Variants in CALCOCO2 observed in about 807,000 individuals in gnomAD.
CALCOCO2 encodes the protein calcium binding and coiled-coil domain 2, also known as calcium-binding and coiled-coil domain-containing protein 2.
In CALCOCO2, 42 loss-of-function variants were observed where a neutral mutation model predicts 62.5. The observed-to-expected ratio is 0.67, with a 90% CI of 0.53 to 0.87. CALCOCO2 has a LOEUF of 0.87. Ranked by LOEUF, CALCOCO2 falls within the 40% of genes least tolerant of loss-of-function variation. The probability of loss-of-function intolerance (pLI) is 0.00; values close to 1 mark genes in which losing one functional copy is unlikely to be tolerated. For missense variants in CALCOCO2, 456 were observed against 515.0 expected (o/e 0.89, Z 1.11); for synonymous variants, 167 against 173.0 (o/e 0.97, Z 0.27).
At chr17:48,833,236 T>G (rs1372656514) in intron 1 of CALCOCO2, among the ~76,000 whole-genome samples, 2 of 152,212 alleles carry the variant, frequency 1.3e-5, no homozygotes, top group Non-Finnish European at 2.9e-5. Flanking sequence ...CATCCATTTT[T>G]GCTAATTGCT....
chr17:48,849,709 G>T (rs1374254779), intron 5 of CALCOCO2, among the ~76,000 whole-genome samples: 1 of 151,856 alleles, frequency 6.6e-6, no homozygotes, highest in Non-Finnish European at 1.5e-5. Flanking sequence ...TTACCATGTT[G>T]GCCAGGCTGG....
intron 9 of CALCOCO2, among the ~76,000 whole-genome samples, chr17:48,854,172 C>T (rs1363114923): frequency 2.0e-5 from 3 of 149,552 alleles, no homozygotes; most frequent in Admixed American, 1.3e-4. Flanking sequence ...AAAAATTAGC[C>T]GGGCATGGTG....
chr17:48,836,758 CTTTT>C (rs762035927), intron 1 of CALCOCO2, among the ~76,000 whole-genome samples: 1 of 122,350 alleles, frequency 8.2e-6, no homozygotes. Context: ...GGAAGTCACT[CTTTT>C]TTTTTTTTTT....
In CALCOCO2 at chr17:48,856,166, G is replaced by A. The variant is rs1490291409; in HGVS notation, c.987G>A (p.Glu329=). ...GTAATGCTCTGCAGAGACAGAAAGA[G>A]AGATTGGAAGGAGAAAATGATGTAA... ...IICNALQRQK[E]RLEGENDLLK... is the part of the protein sequence containing the mutation. Residue 329 remains glutamate (E), a synonymous_variant, in exon 10 of 13, where the codon GAG becomes GAA. Coordinates refer to ENST00000258947, the MANE Select transcript of CALCOCO2 (RefSeq NM_005831.5). The A allele has an allele frequency of 6.3e-7, 1 of 1,594,976 alleles. No individual in the cohort carries two copies. The highest frequency in any genetic ancestry group is 8.6e-7 in the Non-Finnish European group (1 of 1,163,802).
In CALCOCO2 at chr17:48,863,022, GAT is replaced by G; in HGVS notation, c.*18_*19del. 2 of 1,569,248 alleles carry G rather than the reference GAT, an allele frequency of 1.3e-6. No homozygotes were observed. Among genetic ancestry groups the G allele is most frequent in the Admixed American group, 3.3e-5 (2 of 59,936 alleles). ...TCTCTCTGAGTATCCCAACCTCTTGGATGTATACAGAGATTTTATAGAATAGA... is the reference window on the plus strand; with the variant it reads ...TCTCTCTGAGTATCCCAACCTCTTGGGTATACAGAGATTTTATAGAATAGA... On this transcript the variant is annotated 3_prime_UTR_variant, in exon 13 of 13. Transcript: ENST00000258947.
intron 2 of CALCOCO2, among the ~76,000 whole-genome samples, chr17:48,847,011 C>T (rs1380706466): frequency 1.3e-5 from 2 of 152,044 alleles, no homozygotes; most frequent in Non-Finnish European, 2.9e-5. Context: ...TGCTCTGAGG[C>T]GTGTTTTGCT....
Position 48,837,610 on chromosome 17 carries a change from C to T in CALCOCO2, c.-10-4088C>T, listed in dbSNP as rs138816021. On this transcript the variant is annotated intron_variant, in intron 1 of 12. Transcript: ENST00000258947. ...GCAGTGAGCTGAGATACCGCCACTGCACTCCAGCCTGGGGAACAGAGCGAA... is the reference window on the plus strand; with the variant it reads ...GCAGTGAGCTGAGATACCGCCACTGTACTCCAGCCTGGGGAACAGAGCGAA... 3.0e-3 allele frequency among the ~76,000 whole-genome samples: 464 copies of T among 152,160 alleles called. 5 individuals carry two copies. Among genetic ancestry groups the T allele is most frequent in the African/African-American group, 0.011 (450 of 41,498 alleles).
At position 48,841,763 on chromosome 17, in the gene CALCOCO2, A is replaced by G; in HGVS notation, c.56A>G (p.His19Arg). 1 of 1,613,592 alleles carries G rather than the reference A, an allele frequency of 6.2e-7. No individual in the cohort carries two copies. The highest frequency in any genetic ancestry group is 8.5e-7 in the Non-Finnish European group (1 of 1,179,714). The change falls in exon 2 of 13, where the codon CAT (histidine) becomes CGT (arginine). Residue 19 changes from histidine (H) to arginine (R), a missense_variant. Physicochemically the swap from His to Arg is conservative, Grantham distance 29 (BLOSUM62 0). Coordinates refer to ENST00000258947, the MANE Select transcript of CALCOCO2 (RefSeq NM_005831.5). ...TCAGCTGTCTTGCTGGATCACTGTC[A>G]TTTCTCTCAGGTCATCTTTAACAGT... The part of the protein sequence containing the change: ...PTSAVLLDHC[H>R]FSQVIFNSVE...
intron 1 of CALCOCO2, among the ~76,000 whole-genome samples, chr17:48,840,682 TTTTC>T (rs1431259312): frequency 4.6e-5 from 7 of 152,168 alleles, no homozygotes; most frequent in Non-Finnish European, 8.8e-5. Flanking sequence ...TTCCTTGAAG[TTTTC>T]TTTATTTTCC....
chr17:48,843,960 C>T (rs137986174), intron 2 of CALCOCO2: 1,884 of 151,924 alleles, frequency 0.012, 15 homozygotes, highest in Non-Finnish European at 0.022. Flanking sequence ...CTCGGCTCAC[C>T]GCAACCTCCG....
At position 48,852,967 on chromosome 17, in the gene CALCOCO2, G is replaced by T; in HGVS notation, c.867G>T (p.Met289Ile). 1 of 1,613,832 alleles carries T rather than the reference G, an allele frequency of 6.2e-7. No individual in the cohort carries two copies. The highest frequency in any genetic ancestry group is 8.5e-7 in the Non-Finnish European group (1 of 1,179,748). ...AGCTCGAGCAGACAGTGGAGCAAAT[G>T]AAGCAGAATGAAACTACTGCAATGA... Reference protein sequence around the residue: ...QKKLEQTVEQMKQNETTAMKK... With the variant: ...QKKLEQTVEQIKQNETTAMKK... Residue 289 changes from methionine to isoleucine, a missense_variant, in exon 9 of 13, where the codon ATG becomes ATT. Coordinates refer to ENST00000258947, the MANE Select transcript of CALCOCO2 (RefSeq NM_005831.5).
At chr17:48,849,829 T>C (rs2040102611) in intron 5 of CALCOCO2, among the ~76,000 whole-genome samples, 1 of 152,080 alleles carries the variant, frequency 6.6e-6, no homozygotes, top group Non-Finnish European at 1.5e-5. Flanking sequence ...ATTGTTCATA[T>C]GTTGAAATGA....
At chr17:48,836,186 G>C (rs1043643807) in intron 1 of CALCOCO2, among the ~76,000 whole-genome samples, 7 of 152,184 alleles carry the variant, frequency 4.6e-5, no homozygotes, top group African/African-American at 1.4e-4. Flanking sequence ...GGTAGGTAAT[G>C]GAGTGTGAAT....
At chr17:48,843,550 G>A (rs1567751705) in intron 2 of CALCOCO2, among the ~76,000 whole-genome samples, 1 of 152,156 alleles carries the variant, frequency 6.6e-6, no homozygotes. Flanking sequence ...GATGAGCAAC[G>A]GAAGCTGGAG....
At chr17:48,842,644 TTC>T (rs2039991471) in intron 2 of CALCOCO2, 1 of 77,742 alleles carries the variant, frequency 1.3e-5, no homozygotes, top group Non-Finnish European at 2.4e-5. Flanking sequence ...ACTGATTTCT[TTC>T]TTTTTTTTTT....
chr17:48,858,046 AAATAGAATAG>A (rs1555573798), intron 10 of CALCOCO2, among the ~76,000 whole-genome samples: 1 of 40,048 alleles, frequency 2.5e-5, no homozygotes, highest in East Asian at 8.0e-4. Flanking sequence ...ATAGAATAGA[AAATAGAATAG>A]AATAGAATAG....
chr17:48,847,246 T>A (rs1288194523), intron 2 of CALCOCO2, among the ~76,000 whole-genome samples: 1 of 152,180 alleles, frequency 6.6e-6, no homozygotes, highest in East Asian at 1.9e-4. Flanking sequence ...GGTTTTTTTT[T>A]AATGCAGTAG....
At position 48,841,837 on chromosome 17, in the gene CALCOCO2, T is replaced by C; in HGVS notation, c.130T>C (p.Phe44Leu). 1 of 1,613,246 alleles carries C rather than the reference T, an allele frequency of 6.2e-7. No individual in the cohort carries two copies. The highest frequency in any genetic ancestry group is 8.5e-7 in the Non-Finnish European group (1 of 1,179,506). The change falls in exon 2 of 13, where the codon TTC (phenylalanine) becomes CTC (leucine). Residue 44 changes from phenylalanine (F) to leucine (L), a missense_variant. Around this residue, in one of 3 missense-constraint regions of CALCOCO2, gnomAD observed 48 missense variants for 79.3 expected, o/e 0.61. Coordinates refer to ENST00000258947, the MANE Select transcript of CALCOCO2 (RefSeq NM_005831.5). ...AGGGGACGTCACATGTCATTATACC[T>C]TCACCCAGCATTTCATCCCTCGTCG... ...PGGDVTCHYT[F>L]TQHFIPRRKD...
chr17:48,854,200 C>G (rs1235043104), intron 9 of CALCOCO2, among the ~76,000 whole-genome samples: 1 of 146,894 alleles, frequency 6.8e-6, no homozygotes, highest in East Asian at 2.1e-4. Flanking sequence ...CCTGTAATCC[C>G]AGCTTCTCAG....
Sources: allele counts gnomAD v4.1 joint callset (sites outside exome capture counted in the v4.1 genomes callset), GRCh38; gene constraint gnomAD v4.1.1; regional missense constraint gnomAD v4.1.1; transcripts MANE v1.5; gene names NCBI Gene and HGNC (gene_info 2026-07-23, HGNC 2026-07-21).